Variants in RSAD2 observed in about 807,000 individuals in gnomAD.
RSAD2 encodes S-adenosylmethionine-dependent nucleotide dehydratase RSAD2.
In RSAD2, 38 loss-of-function variants were observed where a neutral mutation model predicts 37.7. That is an observed-to-expected ratio of 1.01 (90% CI 0.78 to 1.32). RSAD2 has a LOEUF of 1.32. Ranked by LOEUF, RSAD2 falls within the 40% of genes most tolerant of loss-of-function variation. The probability of loss-of-function intolerance (pLI) is 0.00; values close to 1 mark genes in which losing one functional copy is unlikely to be tolerated. For synonymous variants in RSAD2, 163 were observed against 157.4 expected, an observed-to-expected ratio of 1.04 and a Z score of -0.27; for missense variants, 428 against 437.5, an observed-to-expected ratio of 0.98 and a Z score of 0.19.
chr2:6,894,200 A>G (rs985315511), intron 5 of RSAD2, among the ~76,000 whole-genome samples: 3 of 152,116 alleles, frequency 2.0e-5, no homozygotes, highest in South Asian at 2.1e-4. Flanking sequence ...TCCAAACACC[A>G]CTGATATTAT....
chr2:6,874,563 A>C (rs1447192006), upstream of RSAD2, among the ~76,000 whole-genome samples: 1 of 152,212 alleles, frequency 6.6e-6, no homozygotes, highest in Non-Finnish European at 1.5e-5. Context: ...ATTCTTCTCT[A>C]GAAGCATTTG....
At chr2:6,875,854 C>G (rs760283798), upstream of RSAD2, among the ~76,000 whole-genome samples, 2 of 152,180 alleles carry the variant, frequency 1.3e-5, no homozygotes, top group Non-Finnish European at 2.9e-5. Context: ...AGGGTTAACC[C>G]TAGAAGGAGC....
chr2:6,865,958 A>G, exon 1 of RSAD2: 2 of 1,182,334 alleles, frequency 1.7e-6, no homozygotes, highest in South Asian at 1.6e-5. Flanking sequence ...CCGGGGCCCC[A>G]GGTGCGCGGC....
At chr2:6,893,902 A>G (rs12465711) in intron 5 of RSAD2, among the ~76,000 whole-genome samples, 199 bp downstream of exon 5, 8,670 of 152,290 alleles carry the variant, frequency 0.057, 340 homozygotes, top group African/African-American at 0.1. Flanking sequence ...ACACTGGAAC[A>G]GAATAAGCTT....
chr2:6,878,000 C>A lies in RSAD2; in HGVS notation c.200C>A (p.Pro67His). Residue 67 changes from proline to histidine, a missense_variant, in exon 1 of 6, where the codon CCT (proline) becomes CAT (histidine). Coordinates refer to ENST00000382040, the MANE Select transcript of RSAD2 (RefSeq NM_080657.5). The part of the protein sequence containing the change: ...DETKEEEEDP[P>H]LPTTPTSVNY... ...ACCAAAGAGGAGGAAGAGGACCCTC[C>A]TCTGCCCACCACCCCAACCAGCGTC... 6.2e-7 allele frequency: 1 copy of A among 1,614,188 alleles called. No homozygotes were observed. The highest frequency in any genetic ancestry group is 8.5e-7 in the Non-Finnish European group (1 of 1,180,034).
chr2:6,890,194 A>C lies in RSAD2; in HGVS notation c.757A>C (p.Ile253Leu). ...VRWKVFQCLLIEGENCGEDAL... is the reference protein window; with the variant it reads ...VRWKVFQCLLLEGENCGEDAL... The stretch of plus-strand genomic sequence containing the variant: ...CTTTCAGGTGTTCCAGTGCCTCTTA[A>C]TTGAGGGTGAGAATTGTGGAGAAGA... Residue 253 changes from isoleucine (I) to leucine (L), a missense_variant, in exon 4 of 6, where the codon ATT becomes CTT. Transcript: ENST00000382040. 6 of 1,614,162 alleles carry C rather than the reference A, an allele frequency of 3.7e-6. No homozygotes were observed. The South Asian group carries it at 6.6e-5, about 18-fold the overall frequency.
intron 2 of RSAD2, among the ~76,000 whole-genome samples, chr2:6,884,640 C>T (rs1201417042): frequency 5.3e-5 from 8 of 152,060 alleles, no homozygotes; most frequent in Admixed American, 5.2e-4. Context: ...ATCTCTCAGG[C>T]TTGTGGGAGA....
intron 3 of RSAD2, 120 bp from the exon 4 acceptor site, chr2:6,890,056 T>C: frequency 1.1e-6 from 1 of 885,616 alleles, no homozygotes; most frequent in Non-Finnish European, 1.7e-6. Flanking sequence ...TTCTAGAATG[T>C]TCCTCAGCTC....
chr2:6,895,297 C>A (rs1276206994), intron 5 of RSAD2, among the ~76,000 whole-genome samples: 3 of 152,230 alleles, frequency 2.0e-5, no homozygotes, highest in East Asian at 1.9e-4. Flanking sequence ...TCAAAACAAG[C>A]CTTTATTAAT....
chr2:6,893,402 G>A (rs924076513), intron 4 of RSAD2, among the ~76,000 whole-genome samples: 1 of 152,188 alleles, frequency 6.6e-6, no homozygotes, highest in Admixed American at 6.5e-5. Flanking sequence ...TTGCCTTGGG[G>A]TTCAATGTCA....
chr2:6,896,996 G>A lies in RSAD2; in HGVS notation c.*1054G>A, dbSNP rs555279886. On this transcript the variant is annotated 3_prime_UTR_variant, in exon 6 of 6. Transcript: ENST00000382040. The stretch of plus-strand genomic sequence containing the variant: ...GCTGGAACCTTGGGCAAGGAAGAAT[G>A]TGAGCAAGAGTAGAGAGAGTGCCTG... The A allele has an allele frequency of 1.3e-5, 2 of 152,322 alleles. No individual in the cohort carries two copies. Among genetic ancestry groups the A allele is most frequent in the South Asian group, 4.1e-4 (2 of 4,830 alleles). The allele number at this position is 152,322 out of a possible 1,614,324, so 9.4% of individuals were successfully genotyped here.
intron 1 of RSAD2, among the ~76,000 whole-genome samples, chr2:6,869,780 A>G (rs937754871): frequency 2.6e-5 from 4 of 152,254 alleles, no homozygotes; most frequent in Non-Finnish European, 5.9e-5. Flanking sequence ...TGATGTGAAC[A>G]AATGTGGAAC....
At chr2:6,881,199 T>C (rs1460090812) in intron 1 of RSAD2, among the ~76,000 whole-genome samples, 1 of 152,200 alleles carries the variant, frequency 6.6e-6, no homozygotes, top group Non-Finnish European at 1.5e-5. Context: ...TCTTAGGTAA[T>C]TATGTTTTGT....
Position 6,865,929 on chromosome 2 carries a change from CG to C in RSAD2, c.29del (p.Gly10GlufsTer27), listed in dbSNP as rs2103231684. 1 of 1,374,374 alleles carries C rather than the reference CG, an allele frequency of 7.3e-7. No homozygotes were observed. The allele number at this position is 1,374,374 out of a possible 1,614,324, so 85.1% of individuals were successfully genotyped here. On this transcript the variant is annotated frameshift_variant, in exon 1 of 6. Coordinates refer to the RSAD2 transcript ENST00000442639. LOFTEE classifies it high-confidence loss of function. ...ATGTGCGCGATAAACGGCCGGCGCT[CG>C]GGAGCAGACGCTTGGCCCCGGGGCC...
rs191070666 is a variant in RSAD2 at position 6,883,546 on chromosome 2, G to A, written c.508+14G>A. The A allele has an allele frequency of 1.1e-5, 18 of 1,613,528 alleles. No individual in the cohort carries two copies. The East Asian group carries it at 2.7e-4, about 24-fold the overall frequency. ...TCCAGAATTATGGTGTGCTCCATGG[G>A]ATGGCATTCTTCTTATTGCTATTGC... On this transcript the variant is annotated intron_variant, in intron 2 of 5. Transcript: ENST00000382040.
In RSAD2 at chr2:6,887,048, A is replaced by T; in HGVS notation, c.622A>T (p.Arg208Trp). The change falls in exon 3 of 6, where the codon AGG becomes TGG. Residue 208 changes from arginine (R) to tryptophan (W), a missense_variant. Physicochemically the swap from Arg to Trp is moderately radical, Grantham distance 101 (BLOSUM62 -3). Transcript: ENST00000382040. ...KNHVENLQKL[R>W]RWCRDYRVAF... ...CCATGTGGAAAACCTTCAAAAGCTG[A>T]GGAGGTGGTGTAGGGATTATAGAGT... The T allele has an allele frequency of 6.2e-7, 1 of 1,614,132 alleles. No homozygotes were observed. The highest frequency in any genetic ancestry group is 8.5e-7 in the Non-Finnish European group (1 of 1,179,952).
At chr2:6,877,581 C>T, upstream of RSAD2, 1 of 560,606 alleles carries the variant, frequency 1.8e-6, no homozygotes, top group Non-Finnish European at 3.2e-6. Context: ...AGCAGAGAAA[C>T]CAGGAATGCT....
intron 3 of RSAD2, among the ~76,000 whole-genome samples, chr2:6,888,565 T>G (rs1663568218): frequency 6.6e-6 from 1 of 152,128 alleles, no homozygotes; most frequent in Non-Finnish European, 1.5e-5. Context: ...ATTGTTCTCT[T>G]TTGGTGTCCT....
rs2103239465 is a variant in RSAD2 at position 6,878,109 on chromosome 2, G to A, written c.309G>A (p.Glu103=). Residue 103 remains glutamate (E), a synonymous_variant, in exon 1 of 6, where the codon GAG becomes GAA. Transcript: ENST00000382040. ...AAACATCCTTTGTGCTGCCCCTTGAGGAAGCAAAGAGAGGATTGCTTTTGC... is the reference window on the plus strand; with the variant it reads ...AAACATCCTTTGTGCTGCCCCTTGAAGAAGCAAAGAGAGGATTGCTTTTGC... The part of the protein sequence containing the change: ...TAKTSFVLPL[E]EAKRGLLLLK... 1 of 1,614,162 alleles carries A rather than the reference G, an allele frequency of 6.2e-7. No individual in the cohort carries two copies.
Sources: allele counts gnomAD v4.1 joint callset (sites outside exome capture counted in the v4.1 genomes callset), GRCh38; gene constraint gnomAD v4.1.1; transcripts MANE v1.5; gene names NCBI Gene and HGNC (gene_info 2026-07-23, HGNC 2026-07-21).